Variants in CFAP299 observed in about 807,000 individuals in gnomAD.
CFAP299 encodes the protein cilia- and flagella-associated protein 299.
CFAP299 carries 21 observed loss-of-function variants against 27.0 expected under a neutral mutation model. That is an observed-to-expected ratio of 0.78 (90% CI 0.55 to 1.12). The LOEUF (loss-of-function observed/expected upper bound fraction) is 1.12, where lower values mean the gene tolerates loss of function less well. Among genes scored for constraint, CFAP299 ranks in the 50% most tolerant of loss-of-function variants. The pLI is 0.00. For missense variants in CFAP299, 310 were observed against 276.6 expected, an observed-to-expected ratio of 1.12 and a Z score of -0.86; for synonymous variants, 104 against 98.1, an observed-to-expected ratio of 1.06 and a Z score of -0.36.
intron 3 of CFAP299, among the ~76,000 whole-genome samples, chr4:80,816,586 A>C (rs531841997): frequency 1.3e-5 from 2 of 152,268 alleles, no homozygotes; most frequent in South Asian, 2.1e-4. Flanking sequence ...TTTGGTTCGC[A>C]TATCACTATT....
chr4:80,953,681 G>T (rs1356736503), intron 5 of CFAP299, among the ~76,000 whole-genome samples: 1 of 152,008 alleles, frequency 6.6e-6, no homozygotes, highest in Non-Finnish European at 1.5e-5. Context: ...TCCAGTGCAT[G>T]AACTCATATA....
intron 3 of CFAP299, among the ~76,000 whole-genome samples, chr4:80,805,896 A>T (rs1440311955): frequency 6.6e-6 from 1 of 151,218 alleles, no homozygotes; most frequent in African/African-American, 2.5e-5. Flanking sequence ...TTAAAAAATT[A>T]AAATAAAATA....
chr4:80,722,802 A>G (rs1453145467), intron 3 of CFAP299, among the ~76,000 whole-genome samples: 3 of 152,030 alleles, frequency 2.0e-5, no homozygotes, highest in Non-Finnish European at 1.5e-5. Context: ...TGAGAGGCTG[A>G]GGCAGGAGAA....
chr4:80,802,548 C>T (rs1578141495), intron 3 of CFAP299, among the ~76,000 whole-genome samples: 1 of 152,138 alleles, frequency 6.6e-6, no homozygotes, highest in East Asian at 1.9e-4. Context: ...CTCCCAAATA[C>T]ACTCCATTCT....
At chr4:80,883,020 ATGG>A (rs1733786999) in intron 4 of CFAP299, among the ~76,000 whole-genome samples, 1 of 152,176 alleles carries the variant, frequency 6.6e-6, no homozygotes, top group African/African-American at 2.4e-5. Flanking sequence ...AAATATAATA[ATGG>A]TGATGCATAA....
chr4:80,581,455 T>G (rs56268201), intron 2 of CFAP299, among the ~76,000 whole-genome samples: 2,576 of 22,138 alleles, frequency 0.12, 41 homozygotes, highest in Non-Finnish European at 0.27. Flanking sequence ...TTAAGTGAGA[T>G]ATATATATAT....
At chr4:80,832,567 A>G (rs1459860895) in intron 3 of CFAP299, among the ~76,000 whole-genome samples, 1 of 152,130 alleles carries the variant, frequency 6.6e-6, no homozygotes, top group Non-Finnish European at 1.5e-5. Flanking sequence ...TATAAACGTA[A>G]AAGTTCTGGT....
At chr4:80,371,562 C>A in intron 2 of CFAP299, among the ~76,000 whole-genome samples, 1 of 152,194 alleles carries the variant, frequency 6.6e-6, no homozygotes. Context: ...TTTTTACAAG[C>A]AGCCAGGACA....
intron 3 of CFAP299, among the ~76,000 whole-genome samples, chr4:80,747,275 T>C (rs1326263898): frequency 2.0e-5 from 3 of 152,078 alleles, no homozygotes; most frequent in African/African-American, 2.4e-5. Flanking sequence ...TTGTATGTAA[T>C]ATACTTTTAT....
chr4:80,585,515 T>C (rs1196102380), intron 3 of CFAP299, among the ~76,000 whole-genome samples: 1 of 152,132 alleles, frequency 6.6e-6, no homozygotes, highest in African/African-American at 2.4e-5. Context: ...TTTTACTTGG[T>C]AAATAATTCT....
chr4:80,464,727 C>T (rs183713920), intron 2 of CFAP299, among the ~76,000 whole-genome samples: 42 of 152,120 alleles, frequency 2.8e-4, no homozygotes, highest in Admixed American at 1.7e-3. Flanking sequence ...TGACATACAA[C>T]CTGTAAACTC....
Position 80,798,916 on chromosome 4 carries a change from C to A in CFAP299, c.334-71077C>A, listed in dbSNP as rs538621023. Among the ~76,000 whole-genome samples the A allele has an allele frequency of 9.3e-4, 141 of 151,438 alleles. 3 individuals carry two copies. The highest frequency in any genetic ancestry group is 7.0e-3 in the Admixed American group (105 of 15,028). ...GCAAGGATTATCAGTGTTCTCCATA[C>A]TATTGGAAGTAGAGTTCTTAGCATT... On this transcript the variant is annotated intron_variant, in intron 3 of 5. Coordinates refer to ENST00000358105, the MANE Select transcript of CFAP299 (RefSeq NM_152770.3).
At chr4:80,770,677 T>C (rs908093091) in intron 3 of CFAP299, among the ~76,000 whole-genome samples, 1 of 152,214 alleles carries the variant, frequency 6.6e-6, no homozygotes, top group Non-Finnish European at 1.5e-5. Context: ...TTTAAAAAAC[T>C]GTTTCTTTGA....
intron 3 of CFAP299, among the ~76,000 whole-genome samples, chr4:80,846,255 G>A (rs1358809072): frequency 6.6e-6 from 1 of 152,152 alleles, no homozygotes; most frequent in African/African-American, 2.4e-5. Context: ...AATGAGATGA[G>A]TTTCAAAGGG....
chr4:80,758,486 A>G (rs1049046954), intron 3 of CFAP299, among the ~76,000 whole-genome samples: 1 of 152,058 alleles, frequency 6.6e-6, no homozygotes, highest in African/African-American at 2.4e-5. Flanking sequence ...GGAAAAGGCA[A>G]TGTTTGAGCT....
intron 3 of CFAP299, among the ~76,000 whole-genome samples, chr4:80,708,703 A>G (rs1013827988): frequency 4.6e-5 from 7 of 152,134 alleles, no homozygotes; most frequent in African/African-American, 1.4e-4. Flanking sequence ...GAGTTGTTAT[A>G]CTATGAGCTC....
intron 2 of CFAP299, among the ~76,000 whole-genome samples, chr4:80,368,670 T>C (rs955012319): frequency 6.6e-6 from 1 of 152,200 alleles, no homozygotes; most frequent in African/African-American, 2.4e-5. Context: ...CCAGAGTTTA[T>C]TTTATATAAG....
intron 3 of CFAP299, among the ~76,000 whole-genome samples, chr4:80,632,055 G>A (rs2109948360): frequency 6.6e-6 from 1 of 152,130 alleles, no homozygotes; most frequent in Admixed American, 6.6e-5. Context: ...AGCCTCTCTA[G>A]AACCTGACAA....
intron 3 of CFAP299, among the ~76,000 whole-genome samples, chr4:80,697,469 T>C (rs1721177905): frequency 6.6e-6 from 1 of 152,184 alleles, no homozygotes; most frequent in Non-Finnish European, 1.5e-5. Context: ...GCCACTAATA[T>C]CCTGATTCCT....
Sources: gnomAD v4.1 joint callset for allele counts (sites outside exome capture counted in the v4.1 genomes callset) on GRCh38, gnomAD v4.1.1 for gene constraint, MANE v1.5 for transcripts, NCBI Gene and HGNC (gene_info 2026-07-23, HGNC 2026-07-21) for gene names.